USF3: variants seen among roughly 807,000 people sequenced by gnomAD.
The protein encoded by USF3 is upstream transcription factor family member 3, also known as basic helix-loop-helix domain-containing protein USF3.
A neutral mutation model predicts 157.5 loss-of-function variants in USF3; 29 were observed. The observed-to-expected ratio is 0.18, with a 90% confidence interval of 0.14 to 0.25. USF3 has a LOEUF of 0.25. USF3 is among the 10% of genes least tolerant of loss of function. The probability of loss-of-function intolerance (pLI) is 1.00; values close to 1 mark genes in which losing one functional copy is unlikely to be tolerated. For synonymous variants in USF3, 893 were observed against 941.4 expected (o/e 0.95, Z 0.94); for missense variants, 2,381 against 2,667.6 (o/e 0.89, Z 2.37).
rs1947323445 is a variant in USF3 at position 113,654,816 on chromosome 3, A to T, written c.*128T>A. On this transcript the variant is annotated 3_prime_UTR_variant, in exon 7 of 7. Coordinates refer to ENST00000316407, the MANE Select transcript of USF3 (RefSeq NM_001009899.4). ...CTGACATGGCTTCCCTACATTCAGAAGATAACTGAAAACTGATTATACAGA... is the reference window on the plus strand; with the variant it reads ...CTGACATGGCTTCCCTACATTCAGATGATAACTGAAAACTGATTATACAGA... 9.6e-7 allele frequency: 1 copy of T among 1,038,758 alleles called. No homozygotes were observed. The highest frequency in any genetic ancestry group is 1.3e-6 in the Non-Finnish European group (1 of 742,564). 64.3% of individuals were successfully genotyped at this position (1,038,758 alleles called of 1,614,324 possible). A position where few individuals can be genotyped will look rare whatever the true frequency, so the allele number is the denominator to read the frequency against.
rs774233519 is a variant in USF3 at position 113,659,900 on chromosome 3, G to A, written c.1782C>T (p.Leu594=). The part of the protein sequence containing the change: ...QAANQNPLPL[L]PAPPPGSVRL... ...GAACAGAACCAGGAGGTGGAGCAGG[G>A]AGGAGTGGCAAAGGATTCTGATTAG... The change falls in exon 7 of 7, where the codon CTC becomes CTT. Residue 594 remains leucine (L), a synonymous_variant. Transcript: ENST00000316407. 1.9e-6 allele frequency: 3 copies of A among 1,614,238 alleles called. No homozygotes were observed. The highest frequency in any genetic ancestry group is 1.7e-6 in the Non-Finnish European group (2 of 1,180,030).
In USF3 at chr3:113,657,463, T is replaced by C; in HGVS notation, c.4219A>G (p.Asn1407Asp). 6.2e-7 allele frequency: 1 copy of C among 1,614,056 alleles called. No individual in the cohort carries two copies. The highest frequency in any genetic ancestry group is 8.5e-7 in the Non-Finnish European group (1 of 1,180,016). ...GLTRLFPPSN[N>D]FVTPALRQTE... ...TGCCTCAATGCAGGAGTCACAAAGTTGTTACTAGGTGGAAATAATCGTGTA... is the reference window on the plus strand; with the variant it reads ...TGCCTCAATGCAGGAGTCACAAAGTCGTTACTAGGTGGAAATAATCGTGTA... Residue 1407 changes from asparagine (N) to aspartate (D), a missense_variant, in exon 7 of 7, where the codon AAC becomes GAC. Physicochemically the swap from Asn to Asp is conservative, Grantham distance 23. Coordinates refer to ENST00000316407, the MANE Select transcript of USF3 (RefSeq NM_001009899.4).
intron 1 of USF3, among the ~76,000 whole-genome samples, chr3:113,695,647 A>G (rs1287254829): frequency 6.6e-6 from 1 of 152,232 alleles, no homozygotes. Flanking sequence ...ATTTCCAGAT[A>G]AAGTTAATAA....
Position 113,657,838 on chromosome 3 carries a change from A to G in USF3, c.3844T>C (p.Tyr1282His). The change falls in exon 7 of 7, where the codon TAT becomes CAT. Residue 1282 changes from tyrosine to histidine, a missense_variant. Coordinates refer to ENST00000316407, the MANE Select transcript of USF3 (RefSeq NM_001009899.4). ...GATGGTCCAGGAGGTTGACTGCCATAGGAGCTAGATGAAACGGTCAGATTA... is the reference window on the plus strand; with the variant it reads ...GATGGTCCAGGAGGTTGACTGCCATGGGAGCTAGATGAAACGGTCAGATTA... ...TVNLTVSSSS[Y>H]GSQPPGPSLM... 3 of 1,614,196 alleles carry G rather than the reference A, an allele frequency of 1.9e-6. No homozygotes were observed. Among genetic ancestry groups the G allele is most frequent in the Non-Finnish European group, 2.5e-6 (3 of 1,180,026 alleles).
In USF3 at chr3:113,660,338, C is replaced by A; in HGVS notation, c.1344G>T (p.Gln448His). ...CTGGAGTCACAGCAGAAGATGGTGT[C>A]TGGCTTAAGGGCTGAATAGTGTTTC... ...LAGNTIQPLSQTPSSAVTPVL... is the reference protein window; with the variant it reads ...LAGNTIQPLSHTPSSAVTPVL... The change falls in exon 7 of 7, where the codon CAG becomes CAT. Residue 448 changes from glutamine to histidine, a missense_variant. By Grantham distance (24) the Gln-to-His change is conservative. This residue lies in a region of USF3 where 1,435 missense variants were observed against 1,550.9 expected (regional missense o/e 0.93). Transcript: ENST00000316407. 6.2e-7 allele frequency: 1 copy of A among 1,614,166 alleles called. No homozygotes were observed. Among genetic ancestry groups the A allele is most frequent in the Middle Eastern group, 1.6e-4 (1 of 6,062 alleles).
chr3:113,657,012 G>T lies in USF3; in HGVS notation c.4670C>A (p.Pro1557His). 1 of 1,614,148 alleles carries T rather than the reference G, an allele frequency of 6.2e-7. No individual in the cohort carries two copies. The highest frequency in any genetic ancestry group is 8.5e-7 in the Non-Finnish European group (1 of 1,180,030). Residue 1557 changes from proline to histidine, a missense_variant, in exon 7 of 7, where the codon CCC becomes CAC. Transcript: ENST00000316407. Reference sequence around the variant, plus strand: ...TTGTTGCTGCATCTGCTGATGGTGGGGATGTGGCTGGCCAGTCTTGGATCG... The same window carrying T: ...TTGTTGCTGCATCTGCTGATGGTGGTGATGTGGCTGGCCAGTCTTGGATCG... ...QSRSKTGQPHPHHQQMQQQMQ... is the reference protein window; with the variant it reads ...QSRSKTGQPHHHHQQMQQQMQ...
rs574957165 is a variant in USF3, at chr3:113,658,825, T to C, written c.2857A>G (p.Ile953Val). Residue 953 changes from isoleucine (I) to valine (V), a missense_variant, in exon 7 of 7, where the codon ATT (isoleucine) becomes GTT (valine). Around this residue, in one of 6 missense-constraint regions of USF3, gnomAD observed 1,435 missense variants for 1,550.9 expected, o/e 0.93. Coordinates refer to ENST00000316407, the MANE Select transcript of USF3 (RefSeq NM_001009899.4). ...VLIPSPSDPH[I>V]LVSQVPGLSS... ...AAACCAGGAACCTGAGAAACCAAAA[T>C]GTGAGGATCACTTGGAGATGGAATC... is the stretch of plus-strand genomic sequence containing the variant. 2 of 1,614,172 alleles carry C rather than the reference T, an allele frequency of 1.2e-6. No homozygotes were observed. Among genetic ancestry groups the C allele is most frequent in the African/African-American group, 1.3e-5 (1 of 75,046 alleles).
At chr3:113,685,857 G>A (rs1707534824) in intron 1 of USF3, among the ~76,000 whole-genome samples, 1 of 152,160 alleles carries the variant, frequency 6.6e-6, no homozygotes, top group South Asian at 2.1e-4. Flanking sequence ...GTCTAGAATG[G>A]GGGCTTTATT....
chr3:113,673,366 G>A lies in USF3; in HGVS notation c.58C>T (p.Arg20Trp), dbSNP rs773676758. 5 of 1,599,848 alleles carry A rather than the reference G, an allele frequency of 3.1e-6. No homozygotes were observed. Among genetic ancestry groups the A allele is most frequent in the Non-Finnish European group, 4.3e-6 (5 of 1,170,346 alleles). ...PTKKQHRKKN[R>W]ETHNAVERHR... ...TTTCTACCTGCATTGTGTGTCTCCC[G>A]GTTTTTCTTTCTGAAACAAAAAGTA... is the stretch of plus-strand genomic sequence containing the variant. The change falls in exon 4 of 7, where the codon CGG (arginine) becomes TGG (tryptophan). Residue 20 changes from arginine to tryptophan, a missense_variant. Arg to Trp is a moderately radical substitution (Grantham distance 101, BLOSUM62 -3). Coordinates refer to ENST00000316407, the MANE Select transcript of USF3 (RefSeq NM_001009899.4).
intron 1 of USF3, among the ~76,000 whole-genome samples, chr3:113,687,213 C>T (rs1421441054): frequency 6.8e-6 from 1 of 146,218 alleles, no homozygotes; most frequent in East Asian, 2.0e-4. Context: ...AGCTGTTGTG[C>T]CCTTTACACA....
rs1351253959 is a variant in USF3 at position 113,651,004 on chromosome 3, G to T, written c.*3940C>A. On this transcript the variant is annotated 3_prime_UTR_variant, in exon 7 of 7. Transcript: ENST00000316407. ...CATATAAGCCATCCCAGAGCAACTT[G>T]TGTTTTCCAAAAAAAAGAAAGAAAG... 6.6e-6 allele frequency: 1 copy of T among 152,076 alleles called. No homozygotes were observed. Among genetic ancestry groups the T allele is most frequent in the Non-Finnish European group, 1.5e-5 (1 of 68,014 alleles). 9.4% of individuals were successfully genotyped at this position (152,076 alleles called of 1,614,324 possible). A position where few individuals can be genotyped will look rare whatever the true frequency, so the allele number is the denominator to read the frequency against.
In USF3 at chr3:113,658,007, A is replaced by C. The variant is rs1198321232; in HGVS notation, c.3675T>G (p.Ser1225=). Residue 1225 remains serine (S), a synonymous_variant, in exon 7 of 7, where the codon TCT becomes TCG. Coordinates refer to ENST00000316407, the MANE Select transcript of USF3 (RefSeq NM_001009899.4). Reference sequence around the variant, plus strand: ...GTGGCTGAGAAGTTGAATCCTGTAAAGATGCATTTGATGTTTTAATTCCTA... The same window carrying C: ...GTGGCTGAGAAGTTGAATCCTGTAACGATGCATTTGATGTTTTAATTCCTA... ...CSLGIKTSNA[S]LQDSTSQPPS... The C allele has an allele frequency of 1.9e-6, 3 of 1,614,028 alleles. No homozygotes were observed. Among genetic ancestry groups the C allele is most frequent in the Non-Finnish European group, 2.5e-6 (3 of 1,180,032 alleles).
chr3:113,660,333 G>A lies in USF3; in HGVS notation c.1349C>T (p.Pro450Leu), dbSNP rs1156660308. Residue 450 changes from proline to leucine, a missense_variant, in exon 7 of 7, where the codon CCA (proline) becomes CTA (leucine). Pro to Leu is a moderately conservative substitution (Grantham distance 98). This residue lies in a region of USF3 where 1,435 missense variants were observed against 1,550.9 expected (regional missense o/e 0.93). Transcript: ENST00000316407. ...TAATACTGGAGTCACAGCAGAAGATGGTGTCTGGCTTAAGGGCTGAATAGT... is the reference window on the plus strand; with the variant it reads ...TAATACTGGAGTCACAGCAGAAGATAGTGTCTGGCTTAAGGGCTGAATAGT... Reference protein sequence around the residue: ...GNTIQPLSQTPSSAVTPVLNE... With the variant: ...GNTIQPLSQTLSSAVTPVLNE... 6.2e-7 allele frequency: 1 copy of A among 1,614,092 alleles called. No individual in the cohort carries two copies. The highest frequency in any genetic ancestry group is 1.3e-5 in the African/African-American group (1 of 74,938).
In USF3 at chr3:113,660,917, T is replaced by C; in HGVS notation, c.765A>G (p.Ser255=). ...ESNVLGATSG[S]LIAVSIESEP... ...CAGATTCAATTGAAACAGCAATCAGTGAGCCACTAGTGGCACCAAGCACAT... is the reference window on the plus strand; with the variant it reads ...CAGATTCAATTGAAACAGCAATCAGCGAGCCACTAGTGGCACCAAGCACAT... The change falls in exon 7 of 7, where the codon TCA becomes TCG. Residue 255 remains serine (S), a synonymous_variant. Transcript: ENST00000316407. 1 of 1,614,168 alleles carries C rather than the reference T, an allele frequency of 6.2e-7. No individual in the cohort carries two copies. Among genetic ancestry groups the C allele is most frequent in the Non-Finnish European group, 8.5e-7 (1 of 1,179,998 alleles).
Position 113,658,651 on chromosome 3 carries a change from G to C in USF3, c.3031C>G (p.Leu1011Val), listed in dbSNP as rs1329590352. ...TTCTGAGGGTTTTTTTTTTTAGCAA[G>C]ATCAGATAGCAATGTAGTTAAACCT... The part of the protein sequence containing the change: ...GQGLTTLLSD[L>V]AKKKNPQKSS... Residue 1011 changes from leucine to valine, a missense_variant, in exon 7 of 7, where the codon CTT (leucine) becomes GTT (valine). By Grantham distance (32) the Leu-to-Val change is conservative. Coordinates refer to ENST00000316407, the MANE Select transcript of USF3 (RefSeq NM_001009899.4). The C allele has an allele frequency of 1.5e-5, 25 of 1,613,388 alleles. No individual in the cohort carries two copies. The highest frequency in any genetic ancestry group is 2.1e-5 in the Non-Finnish European group (25 of 1,179,808).
chr3:113,665,216 T>A (rs2107931771), intron 5 of USF3, among the ~76,000 whole-genome samples: 1 of 152,268 alleles, frequency 6.6e-6, no homozygotes, highest in Non-Finnish European at 1.5e-5. Flanking sequence ...TTAGCCAAGC[T>A]AGGCTCGGCA....
At position 113,656,651 on chromosome 3, in the gene USF3, T is replaced by A; in HGVS notation, c.5031A>T (p.Thr1677=). ...SYSAEALIGK[T]SSNSEQRMGI... is the part of the protein sequence containing the mutation. ...CCATTCTCTGCTCTGAATTAGAAGA[T>A]GTCTTTCCAATGAGTGCCTCAGCAG... Residue 1677 remains threonine, a synonymous_variant, in exon 7 of 7, where the codon ACA becomes ACT. Coordinates refer to ENST00000316407, the MANE Select transcript of USF3 (RefSeq NM_001009899.4). 6.2e-7 allele frequency: 1 copy of A among 1,614,210 alleles called. No individual in the cohort carries two copies. The highest frequency in any genetic ancestry group is 8.5e-7 in the Non-Finnish European group (1 of 1,180,030).
intron 1 of USF3, among the ~76,000 whole-genome samples, chr3:113,679,971 T>C (rs1410976849): frequency 6.6e-6 from 1 of 151,678 alleles, no homozygotes; most frequent in African/African-American, 2.4e-5. Context: ...GAGACAGAGT[T>C]TCGCTCTTTT....
chr3:113,675,675 T>C (rs991137998), intron 2 of USF3, among the ~76,000 whole-genome samples: 2 of 152,212 alleles, frequency 1.3e-5, no homozygotes, highest in Admixed American at 6.5e-5. Flanking sequence ...ATCCCAGAGA[T>C]TGACAACTGT....
Sources: gnomAD v4.1 joint callset for allele counts (sites outside exome capture counted in the v4.1 genomes callset) on GRCh38, gnomAD v4.1.1 for gene constraint, gnomAD v4.1.1 regional missense constraint, MANE v1.5 for transcripts, NCBI Gene and HGNC (gene_info 2026-07-23, HGNC 2026-07-21) for gene names.